The following SERGEF variants were observed in gnomAD, a reference collection of about 807,000 sequenced individuals.
SERGEF encodes the protein secretion regulating guanine nucleotide exchange factor, also known as secretion-regulating guanine nucleotide exchange factor.
In SERGEF, 51 loss-of-function variants were observed where a neutral mutation model predicts 50.0. The ratio of observed to expected loss-of-function variants is 1.02; its 90% CI spans 0.81 to 1.29. SERGEF has a LOEUF of 1.29. Ranked by LOEUF, SERGEF falls within the 50% of genes most tolerant of loss-of-function variation. The probability of loss-of-function intolerance (pLI) is 0.00; values close to 1 mark genes in which losing one functional copy is unlikely to be tolerated. For synonymous variants in SERGEF, 205 were observed against 212.4 expected, an observed-to-expected ratio of 0.97 and a Z score of 0.30; for missense variants, 521 against 557.0, an observed-to-expected ratio of 0.94 and a Z score of 0.65.
chr11:18,000,589 A>C, intron 4 of SERGEF, 32 bp from the exon 5 acceptor site: 14 of 1,467,818 alleles, frequency 9.5e-6, no homozygotes, highest in Non-Finnish European at 1.2e-5. Context: ...TTTAGATCTC[A>C]GAACCATCCA....
rs58279017 is a variant in SERGEF, at chr11:17,888,628, TACACACACACACACACACACACAC to T, written c.1012-10408_1012-10385del. On this transcript the variant is annotated intron_variant, in intron 9 of 10. Transcript: ENST00000265965. This position sits in a 1 kb window ranked among gnomAD's most constrained non-coding sequence, Gnocchi z 4.1. ...AGTTATCAGTATGAACTCACAGTTT[TACACACACACACACACACACACAC>T]ACACACACACACACACACACACACA... is the stretch of plus-strand genomic sequence containing the variant. 1.9e-4 allele frequency among the ~76,000 whole-genome samples: 28 copies of T among 143,878 alleles called. No homozygotes were observed. The highest frequency in any genetic ancestry group is 3.5e-3 in the Middle Eastern group (1 of 286). 94.4% of individuals were successfully genotyped at this position (143,878 alleles called of 152,430 possible). A position where few individuals can be genotyped will look rare whatever the true frequency, so the allele number is the denominator to read the frequency against.
chr11:18,008,118 C>G, intron 1 of SERGEF, 42 bp from the exon 2 acceptor site: 1 of 1,594,982 alleles, frequency 6.3e-7, no homozygotes, highest in African/African-American at 1.3e-5. Context: ...GTGGGAACCA[C>G]AACTGTCAAT....
At chr11:17,949,216 G>A (rs1221712579) in intron 9 of SERGEF, among the ~76,000 whole-genome samples, 1 of 152,084 alleles carries the variant, frequency 6.6e-6, no homozygotes, top group Non-Finnish European at 1.5e-5. Flanking sequence ...CAGTGGTTCA[G>A]GACATTTCAG....
chr11:17,824,721 G>A (rs1342358898), intron 10 of SERGEF, among the ~76,000 whole-genome samples: 2 of 152,188 alleles, frequency 1.3e-5, no homozygotes, highest in Non-Finnish European at 2.9e-5. Context: ...TGTAAAGGGA[G>A]AGCAATTCCT....
At chr11:17,938,676 C>G (rs1852501093) in intron 9 of SERGEF, among the ~76,000 whole-genome samples, 1 of 152,172 alleles carries the variant, frequency 6.6e-6, no homozygotes, top group Non-Finnish European at 1.5e-5. Context: ...ATATGAAGTT[C>G]ATACTTGTAG....
chr11:17,819,330 G>A (rs1194062659), intron 10 of SERGEF, among the ~76,000 whole-genome samples: 1 of 152,246 alleles, frequency 6.6e-6, no homozygotes, highest in Non-Finnish European at 1.5e-5. Context: ...CAAGGCTGCA[G>A]AACCTCCAGT....
At chr11:17,959,419 T>C (rs977426905) in intron 9 of SERGEF, 51 bp downstream of exon 9, 1 of 1,553,492 alleles carries the variant, frequency 6.4e-7, no homozygotes, top group Non-Finnish European at 8.8e-7. Flanking sequence ...AATGATTCAC[T>C]GAAAGACAAG....
At position 18,000,556 on chromosome 11, in the gene SERGEF, A is replaced by G. The variant is rs755905229; in HGVS notation, c.449T>C (p.Leu150Pro). The change falls in exon 5 of 11, where the codon CTC (leucine) becomes CCC (proline). Residue 150 changes from leucine to proline, a missense_variant and splice_region_variant. Coordinates refer to ENST00000265965, the MANE Select transcript of SERGEF (RefSeq NM_012139.4). ...AATACAAACAACCTTCTCTTTATGG[A>G]GCTGTCAAAATAAAGAAAAGGATTT... is the stretch of plus-strand genomic sequence containing the variant. ...RRCVVPQAIE[L>P]HKEKVVCIAA... 6.3e-7 allele frequency: 1 copy of G among 1,580,376 alleles called. No individual in the cohort carries two copies. The highest frequency in any genetic ancestry group is 2.0e-5 in the Admixed American group (1 of 51,172).
intron 7 of SERGEF, among the ~76,000 whole-genome samples, chr11:17,989,596 T>C (rs1330597970): frequency 6.6e-6 from 1 of 152,222 alleles, no homozygotes; most frequent in Admixed American, 6.5e-5. Context: ...ATGAAAGCCA[T>C]ACAAAATGAG....
chr11:17,812,494 G>A (rs140652699), intron 10 of SERGEF, among the ~76,000 whole-genome samples: 1 of 152,198 alleles, frequency 6.6e-6, no homozygotes, highest in Non-Finnish European at 1.5e-5. Context: ...CAGCAAACAG[G>A]CTGTCTGCTG....
intron 8 of SERGEF, among the ~76,000 whole-genome samples, chr11:17,964,796 G>C (rs191341562): frequency 2.9e-4 from 44 of 152,316 alleles, no homozygotes; most frequent in Admixed American, 2.0e-3. Flanking sequence ...TGTGTCCTTA[G>C]AAGGTTAAGA....
At chr11:17,868,168 TA>T (rs1274456243) in intron 10 of SERGEF, among the ~76,000 whole-genome samples, 2 of 152,240 alleles carry the variant, frequency 1.3e-5, no homozygotes, top group African/African-American at 4.8e-5. Context: ...CATCAGGCTG[TA>T]AATTTTCTGA....
At chr11:17,843,750 G>A (rs1002101841) in intron 10 of SERGEF, among the ~76,000 whole-genome samples, 1 of 152,158 alleles carries the variant, frequency 6.6e-6, no homozygotes, top group African/African-American at 2.4e-5. Context: ...CGGGGATAAA[G>A]AGATGGGTAA....
intron 9 of SERGEF, among the ~76,000 whole-genome samples, chr11:17,919,964 G>A (rs1001993431): frequency 1.6e-5 from 2 of 128,498 alleles, no homozygotes; most frequent in South Asian, 5.1e-4. Context: ...AAAAAAAACC[G>A]CAGCCAGGCA....
rs968849555 is a variant in SERGEF at position 17,884,710 on chromosome 11, A to G, written c.1012-6466T>C. Among the ~76,000 whole-genome samples, 2 of 152,002 alleles carry G rather than the reference A, an allele frequency of 1.3e-5. No homozygotes were observed. Among genetic ancestry groups the G allele is most frequent in the East Asian group, 1.9e-4 (1 of 5,188 alleles). ...CTCTGTGGGCTTGAATTTGTATTTTATTTCATATATATGTGTATATGTTAT... is the reference window on the plus strand; with the variant it reads ...CTCTGTGGGCTTGAATTTGTATTTTGTTTCATATATATGTGTATATGTTAT... On this transcript the variant is annotated intron_variant, in intron 9 of 10. Transcript: ENST00000265965. The surrounding 1 kb of genome is among the most constrained non-coding windows in gnomAD (Gnocchi z 4.6).
At chr11:17,950,647 G>A (rs1852757870) in intron 9 of SERGEF, among the ~76,000 whole-genome samples, 1 of 152,156 alleles carries the variant, frequency 6.6e-6, no homozygotes, top group African/African-American at 2.4e-5. Flanking sequence ...AATGGAGGTA[G>A]TTTTAGTCCC....
chr11:17,877,212 C>T (rs968590403), intron 10 of SERGEF, among the ~76,000 whole-genome samples: 1 of 152,152 alleles, frequency 6.6e-6, no homozygotes, highest in Admixed American at 6.5e-5. Flanking sequence ...CAGGAGTGGC[C>T]AGGAACAGAA....
At chr11:17,853,359 TCCTGTATTTC>T (rs1206452315) in intron 10 of SERGEF, among the ~76,000 whole-genome samples, 1 of 152,180 alleles carries the variant, frequency 6.6e-6, no homozygotes, top group East Asian at 1.9e-4. Flanking sequence ...TTCCCCTTGC[TCCTGTATTTC>T]CCAAGGCACC....
intron 9 of SERGEF, among the ~76,000 whole-genome samples, chr11:17,881,907 T>C (rs1315847571): frequency 6.6e-6 from 1 of 152,174 alleles, no homozygotes; most frequent in Non-Finnish European, 1.5e-5. Context: ...CTAAAACATC[T>C]TACAAGGCCC....
Sources: gnomAD v4.1 joint callset for allele counts (sites outside exome capture counted in the v4.1 genomes callset) on GRCh38, gnomAD v4.1.1 for gene constraint, Gnocchi (gnomAD v3.1) non-coding constraint, MANE v1.5 for transcripts, NCBI Gene and HGNC (gene_info 2026-07-23, HGNC 2026-07-21) for gene names.